The following MSRA variants were observed in gnomAD, a reference collection of about 807,000 sequenced individuals.
The protein encoded by MSRA is mitochondrial peptide methionine sulfoxide reductase.
Under a neutral mutation model 31.3 loss-of-function variants are expected in MSRA, and 54 were observed. The observed-to-expected ratio is 1.73, with a 90% CI of 1.39 to 2.17. MSRA has a LOEUF of 2.17. Among genes scored for constraint, MSRA ranks in the 30% most tolerant of loss-of-function variants. The pLI, the probability that MSRA is intolerant of heterozygous loss-of-function variation, is 0.00. For synonymous variants in MSRA, 169 were observed against 116.5 expected, an observed-to-expected ratio of 1.45 and a Z score of -2.90; for missense variants, 507 against 300.9, an observed-to-expected ratio of 1.69 and a Z score of -5.07.
chr8:10,268,601 GACTA>G (rs1402837694), intron 3 of MSRA, among the ~76,000 whole-genome samples: 4 of 152,314 alleles, frequency 2.6e-5, no homozygotes, highest in African/African-American at 9.6e-5. Context: ...GCTGCTAATT[GACTA>G]ACTATACAAT....
At chr8:10,321,689 C>T (rs182331344) in intron 5 of MSRA, among the ~76,000 whole-genome samples, 35 of 152,260 alleles carry the variant, frequency 2.3e-4, no homozygotes, top group Admixed American at 5.2e-4. Context: ...TCTCTGTTAC[C>T]GCGTGAGAGA....
At chr8:10,212,182 G>T (rs1003442047) in intron 2 of MSRA, among the ~76,000 whole-genome samples, 2 of 150,384 alleles carry the variant, frequency 1.3e-5, no homozygotes, top group Non-Finnish European at 3.0e-5. Flanking sequence ...GCGAGACTCT[G>T]TCTAAAAAAA....
intron 5 of MSRA, among the ~76,000 whole-genome samples, chr8:10,333,991 C>T (rs983927019): frequency 2.0e-5 from 3 of 152,284 alleles, no homozygotes; most frequent in African/African-American, 7.2e-5. Context: ...CAGATTAGGA[C>T]AGGGCCTATA....
intron 1 of MSRA, among the ~76,000 whole-genome samples, chr8:10,091,186 T>G (rs1375398021): frequency 1.3e-5 from 2 of 152,242 alleles, no homozygotes; most frequent in Non-Finnish European, 2.9e-5. Flanking sequence ...TCTGCTAGTA[T>G]TTTGTTCAGA....
chr8:10,181,300 AT>A (rs1806515663), intron 1 of MSRA, among the ~76,000 whole-genome samples: 1 of 152,208 alleles, frequency 6.6e-6, no homozygotes, highest in African/African-American at 2.4e-5. Flanking sequence ...AAAGTGAAAT[AT>A]CTGCAGGAGA....
At chr8:10,171,793 TGTAATAGCA>T in intron 1 of MSRA, among the ~76,000 whole-genome samples, 1 of 152,386 alleles carries the variant, frequency 6.6e-6, no homozygotes, top group Non-Finnish European at 1.5e-5. Context: ...TATCAGTCAT[TGTAATAGCA>T]TTCTAATAAT....
At chr8:10,172,070 T>C (rs1340974004) in intron 1 of MSRA, among the ~76,000 whole-genome samples, 1 of 152,206 alleles carries the variant, frequency 6.6e-6, no homozygotes, top group Non-Finnish European at 1.5e-5. Context: ...CAGATTTCCA[T>C]GGGGACTAGG....
intron 2 of MSRA, among the ~76,000 whole-genome samples, chr8:10,239,824 G>A (rs1215589288): frequency 6.6e-6 from 1 of 152,188 alleles, no homozygotes; most frequent in Non-Finnish European, 1.5e-5. Context: ...CCAAACACGT[G>A]TATTATTCAT....
intron 5 of MSRA, among the ~76,000 whole-genome samples, chr8:10,382,085 G>A (rs1055890636): frequency 6.6e-6 from 1 of 152,368 alleles, no homozygotes; most frequent in South Asian, 2.1e-4. Context: ...GTGAAGTTAA[G>A]TGGCTTTCTA....
At chr8:10,339,521 T>C in intron 5 of MSRA, among the ~76,000 whole-genome samples, 1 of 138,068 alleles carries the variant, frequency 7.2e-6, no homozygotes. Flanking sequence ...GCAAGGGGTT[T>C]TCTTTCTTTC....
chr8:10,096,086 T>C (rs1799139832), intron 1 of MSRA: 1 of 1,353,112 alleles, frequency 7.4e-7, no homozygotes, highest in South Asian at 1.8e-5. Context: ...TAGACATTTA[T>C]AGACATTAAC....
chr8:10,256,969 T>A (rs1355578745), intron 3 of MSRA, among the ~76,000 whole-genome samples: 1 of 152,194 alleles, frequency 6.6e-6, no homozygotes, highest in Non-Finnish European at 1.5e-5. Flanking sequence ...TTTTATACAT[T>A]TCTTTCCTTC....
At chr8:10,295,788 C>T (rs528271017) in intron 3 of MSRA, among the ~76,000 whole-genome samples, 31 of 152,270 alleles carry the variant, frequency 2.0e-4, no homozygotes, top group Non-Finnish European at 2.5e-4. Context: ...AGCTCAGCCC[C>T]GGTGCCTCTG....
chr8:10,066,194 C>G (rs911363587), intron 1 of MSRA, among the ~76,000 whole-genome samples: 2 of 152,028 alleles, frequency 1.3e-5, no homozygotes, highest in African/African-American at 4.8e-5. Flanking sequence ...CCCATGTTGG[C>G]CAGGCTGGTC....
At position 10,120,549 on chromosome 8, in the gene MSRA, C is replaced by A. The variant is rs75022775; in HGVS notation, c.142+65891C>A. ...TTATGTTTTATCCAGCGTTACCTCA[C>A]GTCAATTCAGTTCAGTTCAATTACA... is the stretch of plus-strand genomic sequence containing the variant. On this transcript the variant is annotated intron_variant, in intron 1 of 5. Transcript: ENST00000317173. Among the ~76,000 whole-genome samples the A allele has an allele frequency of 3.2e-3, 488 of 152,310 alleles. 5 individuals carry two copies. Among genetic ancestry groups the A allele is most frequent in the African/African-American group, 0.011 (473 of 41,566 alleles).
At chr8:10,170,422 G>A (rs1805494453) in intron 1 of MSRA, among the ~76,000 whole-genome samples, 1 of 152,174 alleles carries the variant, frequency 6.6e-6, no homozygotes, top group Admixed American at 6.5e-5. Flanking sequence ...TTAGGAAGCA[G>A]GTCCTCAGCA....
chr8:10,223,121 C>G (rs139446500), intron 2 of MSRA, among the ~76,000 whole-genome samples: 28 of 152,264 alleles, frequency 1.8e-4, no homozygotes, highest in African/African-American at 6.3e-4. Flanking sequence ...GTGACACTAG[C>G]AAAACACAGA....
At chr8:10,137,049 C>G (rs1045278634) in intron 1 of MSRA, among the ~76,000 whole-genome samples, 2 of 152,138 alleles carry the variant, frequency 1.3e-5, no homozygotes, top group Admixed American at 6.5e-5. Flanking sequence ...CTGTGATGTG[C>G]GTTGGCCTGA....
At chr8:10,296,090 A>G (rs11249982) in intron 3 of MSRA, among the ~76,000 whole-genome samples, 31,711 of 152,128 alleles carry the variant, frequency 0.21, 4,483 homozygotes, top group East Asian at 0.66. Flanking sequence ...CAAAAGAGTG[A>G]GAATCTGGGC....
Sources: gnomAD v4.1 joint callset for allele counts (sites outside exome capture counted in the v4.1 genomes callset) on GRCh38, gnomAD v4.1.1 for gene constraint, MANE v1.5 for transcripts, NCBI Gene and HGNC (gene_info 2026-07-23, HGNC 2026-07-21) for gene names.